Variants in MAPK10 observed in about 807,000 individuals in gnomAD.
MAPK10 encodes the protein mitogen-activated protein kinase 10.
In MAPK10, 25 loss-of-function variants were observed where a neutral mutation model predicts 59.3. That is an observed-to-expected ratio of 0.42 (90% CI 0.31 to 0.59). The LOEUF (loss-of-function observed/expected upper bound fraction) is 0.59. Among genes scored for constraint, MAPK10 ranks in the 20% least tolerant of loss-of-function variants. The pLI is 0.15. For missense variants in MAPK10, 351 were observed against 568.9 expected (o/e 0.62, Z 3.90); for synonymous variants, 190 against 200.5 (o/e 0.95, Z 0.44).
chr4:86,487,385 A>G (rs922155178), intron 1 of MAPK10, among the ~76,000 whole-genome samples: 1 of 48,172 alleles, frequency 2.1e-5, no homozygotes, highest in Non-Finnish European at 5.4e-5. Flanking sequence ...GTGTGTGTGT[A>G]GAGAGAGAAA....
At chr4:86,292,416 T>C (rs1192589960) in intron 2 of MAPK10, among the ~76,000 whole-genome samples, 3 of 152,142 alleles carry the variant, frequency 2.0e-5, no homozygotes, top group African/African-American at 7.2e-5. Context: ...TGGTATCAAC[T>C]GTATCCGTGG....
chr4:86,492,165 GAAT>G (rs1356332174), intron 1 of MAPK10, among the ~76,000 whole-genome samples: 1 of 152,124 alleles, frequency 6.6e-6, no homozygotes, highest in African/African-American at 2.4e-5. Context: ...AGAGAAGTAA[GAAT>G]ACTGTCTTCA....
chr4:86,503,219 AT>A (rs1755462064), intron 1 of MAPK10, among the ~76,000 whole-genome samples: 1 of 152,056 alleles, frequency 6.6e-6, no homozygotes, highest in Non-Finnish European at 1.5e-5. Context: ...CAATTTCAAA[AT>A]TTTAACTTAG....
At chr4:86,205,813 A>AT (rs1020194039) in intron 2 of MAPK10, among the ~76,000 whole-genome samples, 63 of 152,146 alleles carry the variant, frequency 4.1e-4, no homozygotes, top group African/African-American at 1.5e-3. Flanking sequence ...AAAAAGAGAC[A>AT]TTTTTCATAA....
chr4:86,461,763 C>T (rs985802918), intron 1 of MAPK10, among the ~76,000 whole-genome samples: 2 of 152,136 alleles, frequency 1.3e-5, no homozygotes, highest in Non-Finnish European at 2.9e-5. Context: ...AAAAGAGTGG[C>T]CTGACCCTCC....
At chr4:86,173,542 G>A (rs1581901968) in intron 3 of MAPK10, among the ~76,000 whole-genome samples, 1 of 152,164 alleles carries the variant, frequency 6.6e-6, no homozygotes, top group South Asian at 2.1e-4. Flanking sequence ...AGAAAATCTA[G>A]GCAATATCAT....
chr4:86,243,747 A>G (rs957673095), intron 2 of MAPK10, among the ~76,000 whole-genome samples: 19 of 64,902 alleles, frequency 2.9e-4, no homozygotes, highest in Non-Finnish European at 5.3e-4. Flanking sequence ...CCCTCCCCCA[A>G]TCCTAGTAGT....
Position 86,017,129 on chromosome 4 carries a change from T to TTGTGTGTCTGCATTTGTGTGTGTG in MAPK10, c.*75_*98dup. On this transcript the variant is annotated 3_prime_UTR_variant, in exon 14 of 14. Coordinates refer to ENST00000641462, the MANE Select transcript of MAPK10 (RefSeq NM_138982.4). This position sits in a 1 kb window ranked among gnomAD's most constrained non-coding sequence, Gnocchi z 4.4. ...TCTCTCCCTTGCTGTTTTCTTGATG[T>TTGTGTGTCTGCATTTGTGTGTGTG]TGTGTGTCTGCATTTGTGTGTGTGT... The TTGTGTGTCTGCATTTGTGTGTGTG allele has an allele frequency of 7.8e-7, 1 of 1,290,026 alleles. No homozygotes were observed. Among genetic ancestry groups the TTGTGTGTCTGCATTTGTGTGTGTG allele is most frequent in the Non-Finnish European group, 1.1e-6 (1 of 929,094 alleles). The allele number at this position is 1,290,026 out of a possible 1,614,324, so 79.9% of individuals were successfully genotyped here.
chr4:86,065,789 T>C (rs1207196529), intron 10 of MAPK10, among the ~76,000 whole-genome samples: 1 of 152,230 alleles, frequency 6.6e-6, no homozygotes, highest in Non-Finnish European at 1.5e-5. Flanking sequence ...ATTCTAACTA[T>C]ATGGTAAAAC....
chr4:86,467,623 G>C (rs764532169), intron 1 of MAPK10, among the ~76,000 whole-genome samples: 1 of 152,076 alleles, frequency 6.6e-6, no homozygotes, highest in Non-Finnish European at 1.5e-5. Context: ...GGGTTCAAGC[G>C]ATTCTCCTGC....
chr4:86,033,255 C>T (rs936332047), intron 11 of MAPK10, among the ~76,000 whole-genome samples: 1 of 152,202 alleles, frequency 6.6e-6, no homozygotes, highest in African/African-American at 2.4e-5. Flanking sequence ...GGTAAATTTC[C>T]GGCTTTGCCT....
Position 86,517,336 on chromosome 4 carries a change from T to A in MAPK10, c.-263+76574A>T, listed in dbSNP as rs1169258986. On this transcript the variant is annotated intron_variant, in intron 1 of 4. Coordinates refer to the MAPK10 transcript ENST00000502302. ...TGTCGCCCAGGCTGGAGTGCAGTGG[T>A]GCAATCTCGGCTCACTGCAAGCTCC... is the stretch of plus-strand genomic sequence containing the variant. Among the ~76,000 whole-genome samples, 8 of 136,618 alleles carry A rather than the reference T, an allele frequency of 5.9e-5. No individual in the cohort carries two copies. In the Admixed American group the frequency reaches 6.1e-4, roughly 10 times the overall value. 89.6% of individuals were successfully genotyped at this position (136,618 alleles called of 152,430 possible). A position where few individuals can be genotyped will look rare whatever the true frequency, so the allele number is the denominator to read the frequency against.
chr4:86,203,572 G>A (rs1176584085), intron 2 of MAPK10, among the ~76,000 whole-genome samples: 3 of 150,900 alleles, frequency 2.0e-5, no homozygotes, highest in African/African-American at 4.9e-5. Context: ...AAGTTCAATC[G>A]GTATACGATG....
chr4:86,025,524 T>C (rs1749728605), intron 13 of MAPK10: 2 of 398,452 alleles, frequency 5.0e-6, no homozygotes, highest in Admixed American at 4.4e-5. Flanking sequence ...GAATTGAATA[T>C]GATCATTGTG....
At position 86,011,739 on chromosome 4, in the gene MAPK10, C is replaced by A. The variant is rs1268153624; in HGVS notation, c.*5489G>T. ...TTCCAGAGATAACAAAAAGCTGTTG[C>A]TTTCTATATTCCAACAGGAACTAGG... On this transcript the variant is annotated 3_prime_UTR_variant, in exon 14 of 14. Transcript: ENST00000641462. 6.6e-6 allele frequency: 1 copy of A among 152,158 alleles called. No individual in the cohort carries two copies. Among genetic ancestry groups the A allele is most frequent in the South Asian group, 2.1e-4 (1 of 4,824 alleles). 9.4% of individuals were successfully genotyped at this position (152,158 alleles called of 1,614,324 possible).
rs187378925 is a variant in MAPK10, at chr4:86,388,906, A to G, written c.-121-34262T>C. 1.1e-3 allele frequency among the ~76,000 whole-genome samples: 161 copies of G among 152,348 alleles called. 1 individual carries two copies. Among genetic ancestry groups the G allele is most frequent in the Non-Finnish European group, 1.8e-3 (123 of 68,034 alleles). ...CACATAATAAATATTTGTTAAGTGA[A>G]TAAGCAAATGAATTAATAAATGAAT... is the stretch of plus-strand genomic sequence containing the variant. On this transcript the variant is annotated intron_variant, in intron 1 of 13. Transcript: ENST00000361569.
chr4:86,150,587 C>A (rs939485215), intron 4 of MAPK10, among the ~76,000 whole-genome samples: 3 of 152,120 alleles, frequency 2.0e-5, no homozygotes, highest in Non-Finnish European at 4.4e-5. Context: ...CTTGGCCAGG[C>A]GCGGTGGCTC....
intron 4 of MAPK10, among the ~76,000 whole-genome samples, chr4:86,132,450 T>C (rs1162713160): frequency 2.6e-5 from 4 of 152,216 alleles, no homozygotes; most frequent in Non-Finnish European, 5.9e-5. Context: ...ATGTTAGTCA[T>C]AAAAATGCAT....
intron 2 of MAPK10, among the ~76,000 whole-genome samples, chr4:86,221,544 T>C (rs1344436947): frequency 6.6e-6 from 1 of 151,938 alleles, no homozygotes; most frequent in Non-Finnish European, 1.5e-5. Flanking sequence ...AGGAGTTCAG[T>C]GGGGTGATCA....
Sources: gnomAD v4.1 joint callset for allele counts (sites outside exome capture counted in the v4.1 genomes callset) on GRCh38, gnomAD v4.1.1 for gene constraint, Gnocchi (gnomAD v3.1) non-coding constraint, MANE v1.5 for transcripts, NCBI Gene and HGNC (gene_info 2026-07-23, HGNC 2026-07-21) for gene names.